Variants in GALNS observed in about 807,000 individuals in gnomAD.
GALNS encodes the protein N-acetylgalactosamine-6-sulfatase.
In GALNS, 65 loss-of-function variants were observed where a neutral mutation model predicts 65.9. The ratio of observed to expected loss-of-function variants is 0.99; its 90% confidence interval spans 0.81 to 1.21. The LOEUF is 1.21. Ranked by LOEUF, GALNS falls within the 50% of genes most tolerant of loss-of-function variation. The pLI is 0.00. For synonymous variants in GALNS, 346 were observed against 288.9 expected, an observed-to-expected ratio of 1.20 and a Z score of -2.00; for missense variants, 776 against 700.7, an observed-to-expected ratio of 1.11 and a Z score of -1.21.
intron 1 of GALNS, among the ~76,000 whole-genome samples, chr16:88,852,232 A>G (rs1967538284): frequency 6.6e-6 from 1 of 152,236 alleles, no homozygotes. Context: ...GGTGATACCC[A>G]GGCAAACAGG....
intron 6 of GALNS, 125 bp downstream of exon 6, chr16:88,836,076 T>TGA (rs1567531693): frequency 9.5e-7 from 1 of 1,053,280 alleles, no homozygotes; most frequent in Non-Finnish European, 1.4e-6. Flanking sequence ...ATGAGGTCCC[T>TGA]GAACCCATGC....
chr16:88,820,708 G>C (rs931727452), intron 12 of GALNS, among the ~76,000 whole-genome samples: 1 of 152,242 alleles, frequency 6.6e-6, no homozygotes, highest in East Asian at 1.9e-4. Context: ...TGGCTGGAGG[G>C]GCTCCAGCAA....
At chr16:88,854,681 A>T (rs1346291777) in intron 1 of GALNS, among the ~76,000 whole-genome samples, 1 of 152,200 alleles carries the variant, frequency 6.6e-6, no homozygotes, top group Non-Finnish European at 1.5e-5. Context: ...ACTTGGAGTC[A>T]CCTAGGACCA....
chr16:88,835,074 A>G, intron 8 of GALNS, 139 bp downstream of exon 8: 1 of 1,111,534 alleles, frequency 9.0e-7, no homozygotes, highest in South Asian at 1.4e-5. Flanking sequence ...AGGCTCGGTG[A>G]CATCTGCTCC....
chr16:88,832,160 TC>T, intron 8 of GALNS, 59 bp from the exon 9 acceptor site: 1 of 1,407,314 alleles, frequency 7.1e-7, no homozygotes, highest in Non-Finnish European at 9.9e-7. Context: ...GCCCTCCCCC[TC>T]CCTCCCCACT....
At chr16:88,828,205 T>C (rs377510474) in intron 9 of GALNS, among the ~76,000 whole-genome samples, 22 of 121,616 alleles carry the variant, frequency 1.8e-4, no homozygotes, top group African/African-American at 6.6e-4. Context: ...GACAGAATAA[T>C]AAAGGAAAGA....
chr16:88,818,385 T>C (rs530327960), intron 12 of GALNS, among the ~76,000 whole-genome samples: 1 of 152,298 alleles, frequency 6.6e-6, no homozygotes, highest in South Asian at 2.1e-4. Flanking sequence ...AGAGAGGCTG[T>C]GAGTAGAGCC....
intron 6 of GALNS, 124 bp from the exon 7 acceptor site, chr16:88,835,973 C>A: frequency 6.8e-7 from 1 of 1,480,102 alleles, no homozygotes; most frequent in Non-Finnish European, 9.3e-7. Flanking sequence ...ACGCGTCCCA[C>A]GGGGCAAGGT....
At chr16:88,833,740 A>G (rs879778179) in intron 8 of GALNS, among the ~76,000 whole-genome samples, 10 of 152,120 alleles carry the variant, frequency 6.6e-5, no homozygotes, top group East Asian at 1.9e-4. Flanking sequence ...GTGAGCCACC[A>G]CGCCCAGCCC....
At chr16:88,846,054 T>G (rs1469289945) in intron 1 of GALNS, among the ~76,000 whole-genome samples, 1 of 152,130 alleles carries the variant, frequency 6.6e-6, no homozygotes, top group Non-Finnish European at 1.5e-5. Context: ...CCTAAGAAAA[T>G]AATTACAGCT....
rs901951699 is a variant in GALNS, at chr16:88,835,740, G to C, written c.743C>G (p.Thr248Ser). 1.9e-6 allele frequency: 3 copies of C among 1,614,120 alleles called. No individual in the cohort carries two copies. Among genetic ancestry groups the C allele is most frequent in the Non-Finnish European group, 2.5e-6 (3 of 1,180,048 alleles). The change falls in exon 7 of 14, where the codon ACC becomes AGC. Residue 248 changes from threonine (T) to serine (S), a missense_variant. Thr to Ser is a moderately conservative substitution (Grantham distance 58). Transcript: ENST00000268695. Reference protein sequence around the residue: ...PVYASKPFLGTSQRGRYGDAV... With the variant: ...PVYASKPFLGSSQRGRYGDAV... ...CAGGACTCACCGCCCTCGCTGACTG[G>C]TGCCCAAGAAGGGTTTGGAGGCATA...
chr16:88,818,193 C>T, intron 12 of GALNS, 69 bp from the exon 13 acceptor site: 2 of 1,231,318 alleles, frequency 1.6e-6, no homozygotes, highest in Non-Finnish European at 2.3e-6. Flanking sequence ...CTGGCCTGGA[C>T]AGGCTGAGGC....
In GALNS at chr16:88,835,200, A is replaced by G. The variant is rs375089520; in HGVS notation, c.898+13T>C. On this transcript the variant is annotated intron_variant, in intron 8 of 13. Coordinates refer to ENST00000268695, the MANE Select transcript of GALNS (RefSeq NM_000512.5). The stretch of plus-strand genomic sequence containing the variant: ...CTGTGGGGAAACCGTGAGAAGTGAC[A>G]GCGAGCACTCACCTTGTTCGGGGGC... 237 of 1,568,462 alleles carry G rather than the reference A, an allele frequency of 1.5e-4. No individual in the cohort carries two copies. The highest frequency in any genetic ancestry group is 2.0e-4 in the Non-Finnish European group (228 of 1,155,408).
intron 9 of GALNS, among the ~76,000 whole-genome samples, chr16:88,830,419 T>G (rs1911378971): frequency 6.6e-6 from 1 of 152,000 alleles, no homozygotes. Flanking sequence ...ACGTCTTCAC[T>G]CAGCCCCATG....
At position 88,840,984 on chromosome 16, in the gene GALNS, A is replaced by T. The variant is rs1485928611; in HGVS notation, c.422+8T>A. ...GGACGCCTGGGCAGGCGTGGCCAGG[A>T]GACTTACCACTTGCCGACAATCTTG... On this transcript the variant is annotated splice_region_variant and intron_variant, in intron 4 of 13. Transcript: ENST00000268695. 1 of 1,609,278 alleles carries T rather than the reference A, an allele frequency of 6.2e-7. No individual in the cohort carries two copies. Among genetic ancestry groups the T allele is most frequent in the South Asian group, 1.1e-5 (1 of 90,996 alleles).
At chr16:88,836,733 C>T (rs934973285) in intron 5 of GALNS, among the ~76,000 whole-genome samples, 1 of 152,246 alleles carries the variant, frequency 6.6e-6, no homozygotes, top group African/African-American at 2.4e-5. Flanking sequence ...CCTCGCTCCC[C>T]CAGGGCACGG....
intron 1 of GALNS, among the ~76,000 whole-genome samples, chr16:88,850,933 G>A (rs1386520377): frequency 1.3e-5 from 2 of 152,182 alleles, no homozygotes; most frequent in Non-Finnish European, 2.9e-5. Context: ...GAACAGCGGG[G>A]GGACCTCCTG....
rs537988329 is a variant in GALNS, at chr16:88,816,731, G to A, written c.1482+1276C>T. The A allele has an allele frequency of 8.4e-5, 83 of 985,440 alleles. No homozygotes were observed. In the South Asian group the frequency reaches 2.3e-3, roughly 27 times the overall value. The allele number at this position is 985,440 out of a possible 1,614,324, so 61.0% of individuals were successfully genotyped here. A position where few individuals can be genotyped will look rare whatever the true frequency, so the allele number is the denominator to read the frequency against. ...TCAGAGCCACCACCTTCCTTCCCAC[G>A]GCACGGCGGGCACCCAGCGGCTCCC... On this transcript the variant is annotated intron_variant, in intron 13 of 13. Transcript: ENST00000268695.
intron 1 of GALNS, among the ~76,000 whole-genome samples, chr16:88,850,286 C>T (rs1173151513): frequency 6.6e-6 from 1 of 152,176 alleles, no homozygotes; most frequent in African/African-American, 2.4e-5. Context: ...TGCCATGTGC[C>T]CGACCCTCCC....
Sources: gnomAD v4.1 joint callset for allele counts (sites outside exome capture counted in the v4.1 genomes callset) on GRCh38, gnomAD v4.1.1 for gene constraint, MANE v1.5 for transcripts, NCBI Gene and HGNC (gene_info 2026-07-23, HGNC 2026-07-21) for gene names.